Variants in CRPPA observed in about 807,000 individuals in gnomAD.
CRPPA encodes CDP-L-ribitol pyrophosphorylase A.
In CRPPA, 43 loss-of-function variants were observed where a neutral mutation model predicts 52.0. The observed-to-expected ratio is 0.83, with a 90% CI of 0.65 to 1.07. The LOEUF (loss-of-function observed/expected upper bound fraction) is 1.07. Among genes scored for constraint, CRPPA ranks in the 50% least tolerant of loss-of-function variants. The pLI, the probability that CRPPA is intolerant of heterozygous loss-of-function variation, is 0.00. For missense variants in CRPPA, 629 were observed against 551.7 expected, an observed-to-expected ratio of 1.14 and a Z score of -1.40; for synonymous variants, 250 against 203.5, an observed-to-expected ratio of 1.23 and a Z score of -1.94.
At chr7:16,163,271 G>A (rs1306780120) in intron 9 of CRPPA, among the ~76,000 whole-genome samples, 5 of 151,658 alleles carry the variant, frequency 3.3e-5, no homozygotes, top group African/African-American at 1.2e-4. Flanking sequence ...ACTGCACCTG[G>A]GCCGCTTGTC....
At chr7:16,270,992 G>A (rs1044088295) in intron 6 of CRPPA, among the ~76,000 whole-genome samples, 5 of 151,758 alleles carry the variant, frequency 3.3e-5, no homozygotes, top group Admixed American at 6.6e-5. Flanking sequence ...ACACAACCTT[G>A]AGGGCATAAG....
At chr7:16,214,956 T>A (rs936782439) in intron 9 of CRPPA, among the ~76,000 whole-genome samples, 1 of 152,192 alleles carries the variant, frequency 6.6e-6, no homozygotes, top group Non-Finnish European at 1.5e-5. Context: ...TCCATTATCC[T>A]ACGTGAACTA....
At chr7:16,390,053 T>C (rs1020360878) in intron 2 of CRPPA, among the ~76,000 whole-genome samples, 4 of 149,002 alleles carry the variant, frequency 2.7e-5, no homozygotes, top group Non-Finnish European at 5.9e-5. Flanking sequence ...TAAGAGTAAA[T>C]TTAGTGAAGA....
chr7:16,413,122 T>A (rs552626277), intron 1 of CRPPA, among the ~76,000 whole-genome samples: 1 of 152,326 alleles, frequency 6.6e-6, no homozygotes, highest in African/African-American at 2.4e-5. Flanking sequence ...GGCCTCTGGA[T>A]TGTACTATGG....
chr7:16,152,209 A>G (rs949157010), intron 9 of CRPPA, among the ~76,000 whole-genome samples: 9 of 152,028 alleles, frequency 5.9e-5, no homozygotes, highest in African/African-American at 1.9e-4. Flanking sequence ...GTATAAGCAG[A>G]TAAGTATTTT....
Position 16,087,678 on chromosome 7 carries a change from A to G in CRPPA, c.*4017T>C, listed in dbSNP as rs539238298. The stretch of plus-strand genomic sequence containing the variant: ...AATAAGAACATATATAAATGCAACT[A>G]TAATGCCAACCACCACCTACACAGC... On this transcript the variant is annotated 3_prime_UTR_variant, in exon 10 of 10. Transcript: ENST00000407010. 8 of 152,268 alleles carry G rather than the reference A, an allele frequency of 5.3e-5. No homozygotes were observed. The South Asian group carries it at 1.7e-3, about 32-fold the overall frequency. 9.4% of individuals were successfully genotyped at this position (152,268 alleles called of 1,614,324 possible).
intron 5 of CRPPA, 61 bp from the exon 6 acceptor site, chr7:16,278,287 G>A (rs1476862185): frequency 9.8e-6 from 8 of 819,740 alleles, no homozygotes; most frequent in Non-Finnish European, 1.5e-5. Context: ...GCCCTAGGAT[G>A]CTGAAACATA....
chr7:16,182,700 T>C (rs1250052637), intron 9 of CRPPA, among the ~76,000 whole-genome samples: 3 of 152,126 alleles, frequency 2.0e-5, no homozygotes, highest in Non-Finnish European at 4.4e-5. Context: ...GATTCCCCAA[T>C]TCTCACTTTG....
intron 3 of CRPPA, among the ~76,000 whole-genome samples, chr7:16,336,623 G>C (rs559132674): frequency 2.0e-5 from 3 of 149,654 alleles, no homozygotes; most frequent in Admixed American, 2.0e-4. Context: ...CAAACTGGCA[G>C]TGGCAAATCC....
rs1190364284 is a variant in CRPPA at position 16,175,847 on chromosome 7, T to C, written c.1251+40219A>G. Reference sequence around the variant, plus strand: ...ATGCAGAGGCCCAAAGATTTTGGCATTTCTATTGGATCTCTGAGCTTTTAT... The same window carrying C: ...ATGCAGAGGCCCAAAGATTTTGGCACTTCTATTGGATCTCTGAGCTTTTAT... On this transcript the variant is annotated intron_variant, in intron 9 of 9. Transcript: ENST00000407010. 2.0e-5 allele frequency among the ~76,000 whole-genome samples: 3 copies of C among 152,172 alleles called. No individual in the cohort carries two copies. The East Asian group carries it at 5.8e-4, about 29-fold the overall frequency.
At chr7:16,139,906 C>A (rs1782834871) in intron 9 of CRPPA, among the ~76,000 whole-genome samples, 1 of 151,590 alleles carries the variant, frequency 6.6e-6, no homozygotes. Flanking sequence ...TAATCTGCTG[C>A]AAGATGCAGA....
chr7:16,239,133 G>T (rs371222096), intron 8 of CRPPA, among the ~76,000 whole-genome samples: 17 of 15,864 alleles, frequency 1.1e-3, no homozygotes, highest in African/African-American at 3.7e-3. Flanking sequence ...GCAAGACTCT[G>T]TCTCAAAAAA....
intron 3 of CRPPA, among the ~76,000 whole-genome samples, chr7:16,342,770 A>C (rs1215997927): frequency 2.7e-4 from 1 of 3,684 alleles, no homozygotes; most frequent in African/African-American, 6.5e-4. Context: ...CCACAAAAAA[A>C]AAAAAAAAAA....
chr7:16,355,510 C>G (rs2128308373), intron 3 of CRPPA, among the ~76,000 whole-genome samples: 1 of 152,306 alleles, frequency 6.6e-6, no homozygotes, highest in African/African-American at 2.4e-5. Flanking sequence ...TCTTTTCAGT[C>G]TCTACTCGAT....
chr7:16,382,146 T>C (rs11971292), intron 2 of CRPPA, among the ~76,000 whole-genome samples: 17,684 of 152,098 alleles, frequency 0.12, 1,153 homozygotes, highest in South Asian at 0.24. Flanking sequence ...TTCCTTTCCA[T>C]GTTTAGTGCT....
chr7:16,125,249 G>A (rs1435247234), intron 9 of CRPPA, among the ~76,000 whole-genome samples: 7 of 103,110 alleles, frequency 6.8e-5, no homozygotes, highest in Non-Finnish European at 1.3e-4. Flanking sequence ...GACAGATGGA[G>A]ACTGTCTCAA....
intron 9 of CRPPA, among the ~76,000 whole-genome samples, chr7:16,126,376 G>A (rs1032364959): frequency 2.0e-5 from 3 of 152,018 alleles, no homozygotes; most frequent in Non-Finnish European, 2.9e-5. Context: ...AGGATGCAAG[G>A]CCCAAATGTC....
At chr7:16,170,565 G>A (rs886791625) in intron 9 of CRPPA, among the ~76,000 whole-genome samples, 3 of 152,226 alleles carry the variant, frequency 2.0e-5, no homozygotes, top group Non-Finnish European at 2.9e-5. Flanking sequence ...AAGAGCGAAA[G>A]AACAAACCTT....
intron 9 of CRPPA, among the ~76,000 whole-genome samples, chr7:16,163,388 T>A (rs571667871): frequency 1.3e-5 from 2 of 152,232 alleles, no homozygotes; most frequent in East Asian, 1.9e-4. Flanking sequence ...CTCCATCACT[T>A]TATTTTGAGC....
Sources: allele counts gnomAD v4.1 joint callset (sites outside exome capture counted in the v4.1 genomes callset), GRCh38; gene constraint gnomAD v4.1.1; transcripts MANE v1.5; gene names NCBI Gene and HGNC (gene_info 2026-07-23, HGNC 2026-07-21).